TCERG1L: variants seen among roughly 807,000 people sequenced by gnomAD.
TCERG1L encodes the protein transcription elongation regulator 1 like.
In TCERG1L, 37 loss-of-function variants were observed where a neutral mutation model predicts 56.3. The observed-to-expected ratio is 0.66, with a 90% confidence interval of 0.51 to 0.87. The LOEUF is 0.87. Ranked by LOEUF, TCERG1L falls within the 40% of genes least tolerant of loss-of-function variation. TCERG1L has a pLI of 0.00. For synonymous variants in TCERG1L, 324 were observed against 326.3 expected (o/e 0.99, Z 0.08); for missense variants, 799 against 774.2 (o/e 1.03, Z -0.38).
chr10:131,108,767 G>A (rs12569877), intron 9 of TCERG1L, among the ~76,000 whole-genome samples: 4 of 152,282 alleles, frequency 2.6e-5, no homozygotes, highest in East Asian at 1.9e-4. Flanking sequence ...GGCTTTGCTC[G>A]CGTCTGGTGC....
rs7071145 is a variant in TCERG1L at position 131,092,939 on chromosome 10, C to T, written c.*223G>A. 30 of 477,668 alleles carry T rather than the reference C, an allele frequency of 6.3e-5. No homozygotes were observed. The highest frequency in any genetic ancestry group is 3.3e-4 in the East Asian group (10 of 29,882). The allele number at this position is 477,668 out of a possible 1,614,324, so 29.6% of individuals were successfully genotyped here. ...TGCATAATTAAAACAATTAAGGGATCGACGTATCACGGTGATTAGAAATGC... is the reference window on the plus strand; with the variant it reads ...TGCATAATTAAAACAATTAAGGGATTGACGTATCACGGTGATTAGAAATGC... On this transcript the variant is annotated 3_prime_UTR_variant, in exon 12 of 12. Transcript: ENST00000368642.
Position 131,113,516 on chromosome 10 carries a change from T to C in TCERG1L, c.1395+3283A>G, listed in dbSNP as rs773509178. 1.2e-4 allele frequency among the ~76,000 whole-genome samples: 17 copies of C among 142,364 alleles called. 3 individuals carry two copies. The highest frequency in any genetic ancestry group is 1.4e-4 in the Non-Finnish European group (9 of 63,248). The allele number at this position is 142,364 out of a possible 152,430, so 93.4% of individuals were successfully genotyped here. On this transcript the variant is annotated intron_variant, in intron 9 of 11. Transcript: ENST00000368642. ...ACTGTAGAGGCCTCTGTCTGGTTTG[T>C]ACCCACTCACCCCACAGCCTCGCTG... is the stretch of plus-strand genomic sequence containing the variant.
At chr10:131,234,363 A>C (rs1332781774) in intron 4 of TCERG1L, among the ~76,000 whole-genome samples, 1 of 152,240 alleles carries the variant, frequency 6.6e-6, no homozygotes, top group Non-Finnish European at 1.5e-5. Flanking sequence ...TATTACAAAT[A>C]ATATTTTTTT....
At chr10:131,172,700 G>A (rs1393041788) in intron 4 of TCERG1L, among the ~76,000 whole-genome samples, 2 of 152,212 alleles carry the variant, frequency 1.3e-5, no homozygotes, top group Admixed American at 1.3e-4. Context: ...CATTCTTGGG[G>A]AGAACACCCA....
chr10:131,129,351 T>C (rs1431480979), intron 8 of TCERG1L, among the ~76,000 whole-genome samples: 1 of 152,262 alleles, frequency 6.6e-6, no homozygotes, highest in African/African-American at 2.4e-5. Context: ...TATTATATTC[T>C]AGAATATTTA....
At chr10:131,167,432 T>G (rs987300186) in intron 4 of TCERG1L, among the ~76,000 whole-genome samples, 1 of 152,230 alleles carries the variant, frequency 6.6e-6, no homozygotes, top group Non-Finnish European at 1.5e-5. Flanking sequence ...CCTCCTCCAG[T>G]GATGCCAACC....
At chr10:131,297,214 G>C (rs2133579110) in intron 3 of TCERG1L, among the ~76,000 whole-genome samples, 1 of 152,184 alleles carries the variant, frequency 6.6e-6, no homozygotes, top group East Asian at 1.9e-4. Context: ...TCCTTTGTCA[G>C]TTTGCGGAAG....
chr10:131,249,126 G>C (rs1452485575), intron 4 of TCERG1L, among the ~76,000 whole-genome samples: 1 of 152,252 alleles, frequency 6.6e-6, no homozygotes, highest in Non-Finnish European at 1.5e-5. Context: ...CTCAGCAAAA[G>C]TGGGGCGGCT....
chr10:131,132,922 G>A (rs960736312), intron 8 of TCERG1L, among the ~76,000 whole-genome samples: 1 of 152,198 alleles, frequency 6.6e-6, no homozygotes, highest in African/African-American at 2.4e-5. Context: ...TGGCTCACAG[G>A]CTTCCACGTG....
At chr10:131,291,878 G>A (rs1345376960) in intron 3 of TCERG1L, among the ~76,000 whole-genome samples, 1 of 152,034 alleles carries the variant, frequency 6.6e-6, no homozygotes, top group Non-Finnish European at 1.5e-5. Context: ...GTTGATAGTT[G>A]TTCATAGGTA....
chr10:131,279,269 G>A (rs1198134418), intron 3 of TCERG1L, among the ~76,000 whole-genome samples: 2 of 152,240 alleles, frequency 1.3e-5, no homozygotes, highest in Admixed American at 6.5e-5. Flanking sequence ...CAGAGGAAAG[G>A]TGAGAGGGGG....
intron 4 of TCERG1L, among the ~76,000 whole-genome samples, chr10:131,222,132 A>G (rs1182871651): frequency 6.6e-6 from 1 of 152,246 alleles, no homozygotes; most frequent in Non-Finnish European, 1.5e-5. Context: ...CACCATAAAT[A>G]TGAAATGGCC....
intron 7 of TCERG1L, among the ~76,000 whole-genome samples, chr10:131,146,117 T>G (rs1306128033): frequency 7.2e-5 from 11 of 152,078 alleles, no homozygotes; most frequent in Admixed American, 3.3e-4. Flanking sequence ...AGGTCTAAAG[T>G]GAATGTAAGG....
chr10:131,278,295 C>G (rs112540750), intron 3 of TCERG1L, among the ~76,000 whole-genome samples: 5,715 of 151,936 alleles, frequency 0.038, 135 homozygotes, highest in African/African-American at 0.057. Context: ...CGAGGCCCCC[C>G]CTCCTGTCCT....
At chr10:131,229,238 G>A (rs112954880) in intron 4 of TCERG1L, among the ~76,000 whole-genome samples, 20,736 of 152,236 alleles carry the variant, frequency 0.14, 1,982 homozygotes, top group Non-Finnish European at 0.19. Flanking sequence ...ACTCTGGGCC[G>A]TCCTCAGTGG....
At chr10:131,188,825 C>T (rs1845275547) in intron 4 of TCERG1L, among the ~76,000 whole-genome samples, 1 of 152,204 alleles carries the variant, frequency 6.6e-6, no homozygotes, top group Non-Finnish European at 1.5e-5. Flanking sequence ...GCTCCTAAAT[C>T]TGGCCACACA....
rs1421461281 is a variant in TCERG1L at position 131,285,076 on chromosome 10, C to G, written c.670+23135G>C. The stretch of plus-strand genomic sequence containing the variant: ...GCTTTCACACTAAAGCCAGGTGAGT[C>G]TAGTAAAAGAAAATGAAGCAGCCAG... On this transcript the variant is annotated intron_variant, in intron 3 of 11. Transcript: ENST00000368642. 3.3e-5 allele frequency among the ~76,000 whole-genome samples: 5 copies of G among 152,044 alleles called. No individual in the cohort carries two copies. The East Asian group carries it at 9.6e-4, about 29-fold the overall frequency.
chr10:131,199,608 A>G (rs1845405385), intron 4 of TCERG1L, among the ~76,000 whole-genome samples: 1 of 152,176 alleles, frequency 6.6e-6, no homozygotes. Flanking sequence ...AGGCCTGTTA[A>G]ATGGGCATTA....
chr10:131,123,221 A>G (rs1191299705), intron 8 of TCERG1L, among the ~76,000 whole-genome samples: 1 of 152,188 alleles, frequency 6.6e-6, no homozygotes, highest in Non-Finnish European at 1.5e-5. Flanking sequence ...CACATTCTAG[A>G]GGCAGGGACA....
Sources: gnomAD v4.1 joint callset for allele counts (sites outside exome capture counted in the v4.1 genomes callset) on GRCh38, gnomAD v4.1.1 for gene constraint, MANE v1.5 for transcripts, NCBI Gene and HGNC (gene_info 2026-07-23, HGNC 2026-07-21) for gene names.